Variants in TEDC1 observed in about 807,000 individuals in gnomAD.
TEDC1 encodes tubulin epsilon and delta complex protein 1.
TEDC1 carries 54 observed loss-of-function variants against 59.9 expected under a neutral mutation model. The observed-to-expected ratio is 0.90, with a 90% confidence interval of 0.72 to 1.13. The LOEUF is 1.13. Ranked by LOEUF, TEDC1 falls within the 50% of genes most tolerant of loss-of-function variation. TEDC1 has a pLI of 0.00. For synonymous variants in TEDC1, 353 were observed against 298.1 expected, an observed-to-expected ratio of 1.18 and a Z score of -1.90; for missense variants, 734 against 683.4, an observed-to-expected ratio of 1.07 and a Z score of -0.83.
Position 105,495,766 on chromosome 14 carries a change from G to A in TEDC1, c.685-114G>A, listed in dbSNP as rs903736956. 49 of 900,418 alleles carry A rather than the reference G, an allele frequency of 5.4e-5. No homozygotes were observed. The African/African-American group carries it at 7.6e-4, about 14-fold the overall frequency. 55.8% of individuals were successfully genotyped at this position (900,418 alleles called of 1,614,324 possible). ...GCTGCTCCTGCCCAGTGCCTCTGTG[G>A]GACCACCCTCTGTGGTGGGCTGGGG... On this transcript the variant is annotated intron_variant, in intron 5 of 8. Transcript: ENST00000392523.
At position 105,498,987 on chromosome 14, in the gene TEDC1, C is replaced by T. The variant is rs2084411644; in HGVS notation, c.*41C>T. ...CCCTCGTGTGGGAAGCCTGCCCTGGCCCAGCCTGGCTGGGTCTTGGAGGAG... is the reference window on the plus strand; with the variant it reads ...CCCTCGTGTGGGAAGCCTGCCCTGGTCCAGCCTGGCTGGGTCTTGGAGGAG... On this transcript the variant is annotated 3_prime_UTR_variant, in exon 9 of 9. Coordinates refer to ENST00000392523, the MANE Select transcript of TEDC1 (RefSeq NM_001367178.1). 1.3e-6 allele frequency: 2 copies of T among 1,546,066 alleles called. No individual in the cohort carries two copies. Among genetic ancestry groups the T allele is most frequent in the East Asian group, 2.3e-5 (1 of 43,062 alleles).
At chr14:105,490,168 G>T (rs1273486974), upstream of TEDC1, 30 of 151,332 alleles carry the variant, frequency 2.0e-4, no homozygotes, top group African/African-American at 6.9e-4. Context: ...GCTGGGGGGG[G>T]GGCCCCGAGG....
In TEDC1 at chr14:105,499,020, C is replaced by T; in HGVS notation, c.*74C>T. ...GGCTGGGTCTTGGAGGAGCAGATTC[C>T]AAGGCCAGGTGGCCGCAGGGACGAT... is the stretch of plus-strand genomic sequence containing the variant. On this transcript the variant is annotated 3_prime_UTR_variant, in exon 9 of 9. Transcript: ENST00000392523. The T allele has an allele frequency of 6.9e-7, 1 of 1,454,504 alleles. No individual in the cohort carries two copies. The highest frequency in any genetic ancestry group is 2.4e-5 in the East Asian group (1 of 41,138). 90.1% of individuals were successfully genotyped at this position (1,454,504 alleles called of 1,614,324 possible).
intron 3 of TEDC1, 117 bp downstream of exon 3, chr14:105,492,426 A>G (rs2084237022): frequency 1.3e-6 from 2 of 1,500,760 alleles, no homozygotes; most frequent in East Asian, 2.3e-5. Context: ...AGTCCCATGA[A>G]GGGTTACCCA....
Position 105,499,089 on chromosome 14 carries a change from C to T in TEDC1, c.*143C>T. 3.3e-6 allele frequency: 3 copies of T among 920,336 alleles called. No individual in the cohort carries two copies. The South Asian group carries it at 5.2e-5, about 16-fold the overall frequency. The allele number at this position is 920,336 out of a possible 1,614,324, so 57.0% of individuals were successfully genotyped here. On this transcript the variant is annotated 3_prime_UTR_variant, in exon 9 of 9. Coordinates refer to ENST00000392523, the MANE Select transcript of TEDC1 (RefSeq NM_001367178.1). Reference sequence around the variant, plus strand: ...TCACATGCTCGCTCCAGGGGTGGGGCTGGGCTGACTCTGGCCGGATCCCAG... The same window carrying T: ...TCACATGCTCGCTCCAGGGGTGGGGTTGGGCTGACTCTGGCCGGATCCCAG...
chr14:105,496,065 C>A lies in TEDC1; in HGVS notation c.870C>A (p.Ser290Arg). The A allele has an allele frequency of 6.6e-7, 1 of 1,506,404 alleles. No homozygotes were observed. The highest frequency in any genetic ancestry group is 8.9e-7 in the Non-Finnish European group (1 of 1,119,446). 93.3% of individuals were successfully genotyped at this position (1,506,404 alleles called of 1,614,324 possible). A position where few individuals can be genotyped will look rare whatever the true frequency, so the allele number is the denominator to read the frequency against. ...ATCCTGGTGGGGCCTCAGCCTGCAGCCTGCTCTCCCCTTTTAGGGCGGTAA... is the reference window on the plus strand; with the variant it reads ...ATCCTGGTGGGGCCTCAGCCTGCAGACTGCTCTCCCCTTTTAGGGCGGTAA... ...PLDPGGASAC[S>R]LLSPFRALLR... The change falls in exon 6 of 9, where the codon AGC becomes AGA. Residue 290 changes from serine (S) to arginine (R), a missense_variant. Transcript: ENST00000392523.
Position 105,498,819 on chromosome 14 carries a change from C to T in TEDC1, c.1361C>T (p.Thr454Met), listed in dbSNP as rs139837113. The T allele has an allele frequency of 1.0e-4, 161 of 1,601,918 alleles. No homozygotes were observed. The highest frequency in any genetic ancestry group is 4.1e-4 in the East Asian group (18 of 44,374). Residue 454 changes from threonine (T) to methionine (M), a missense_variant, in exon 9 of 9, where the codon ACG becomes ATG. By Grantham distance (81) the Thr-to-Met change is moderately conservative. Transcript: ENST00000392523. Reference sequence around the variant, plus strand: ...CTGCGGGCAGCTGTGGTGATCAGGACGCTGAGGAGCCAGGAGGCCTGCCTG... The same window carrying T: ...CTGCGGGCAGCTGTGGTGATCAGGATGCTGAGGAGCCAGGAGGCCTGCCTG... ...RDLRAAVVIR[T>M]LRSQEACLEA...
rs782587840 is a variant in TEDC1 at position 105,497,414 on chromosome 14, C to T, written c.949C>T (p.Arg317Cys). The part of the protein sequence containing the change: ...QRLEAVLAWR[R>C]SELVFWRWMD... ...CCTGGAGGCTGTCCTGGCGTGGCGG[C>T]GCTCTGAGCTGGTCTTCTGGCGGTG... Residue 317 changes from arginine to cysteine, a missense_variant, in exon 7 of 9, where the codon CGC (arginine) becomes TGC (cysteine). Arg to Cys is a radical substitution (Grantham distance 180). Transcript: ENST00000392523. The T allele has an allele frequency of 2.2e-5, 34 of 1,550,820 alleles. No individual in the cohort carries two copies. The highest frequency in any genetic ancestry group is 4.1e-5 in the African/African-American group (3 of 73,396).
intron 7 of TEDC1, 132 bp from the exon 8 acceptor site, chr14:105,497,666 C>G (rs1182498081): frequency 7.9e-6 from 10 of 1,264,398 alleles, no homozygotes; most frequent in Admixed American, 5.6e-5. Flanking sequence ...TTGTGCCTCC[C>G]TGGACGTCAC....
chr14:105,492,986 C>G (rs1555439815), intron 4 of TEDC1, among the ~76,000 whole-genome samples: 1 of 152,082 alleles, frequency 6.6e-6, no homozygotes, highest in Non-Finnish European at 1.5e-5. Context: ...ACAGAATTTG[C>G]CTTTCTGTTC....
In TEDC1 at chr14:105,498,730, G is replaced by T. The variant is rs781907842; in HGVS notation, c.1272G>T (p.Pro424=). The T allele has an allele frequency of 6.4e-7, 1 of 1,556,060 alleles. No homozygotes were observed. Among genetic ancestry groups the T allele is most frequent in the Non-Finnish European group, 8.7e-7 (1 of 1,150,346 alleles). ...AGTGCTGGGAGCGAGACGGTGGCCC[G>T]GCCCAGCCCCATGGGCCACACCGGC... The part of the protein sequence containing the change: ...LQQCWERDGG[P]AQPHGPHRLV... Residue 424 remains proline (P), a synonymous_variant, in exon 9 of 9, where the codon CCG becomes CCT. Transcript: ENST00000392523.
Position 105,491,605 on chromosome 14 carries a change from CTTT to C in TEDC1, c.148-14_148-12del, listed in dbSNP as rs1567071919. On this transcript the variant is annotated splice_polypyrimidine_tract_variant and intron_variant, in intron 1 of 8. Transcript: ENST00000392523. ...TTGGGCCGGCTCCGCTGACCGCCCG[CTTT>C]TTATTTTCCGCAGACCTCCGCGCTC... The C allele has an allele frequency of 6.5e-7, 1 of 1,549,432 alleles. No homozygotes were observed. The highest frequency in any genetic ancestry group is 1.2e-5 in the South Asian group (1 of 84,042).
chr14:105,494,115 C>T (rs1349700897), intron 5 of TEDC1, 182 bp downstream of exon 5: 4 of 612,730 alleles, frequency 6.5e-6, no homozygotes, highest in South Asian at 1.9e-5. Context: ...CTGGGCCTCT[C>T]CTAGCCTCAT....
At chr14:105,498,009 C>T in intron 8 of TEDC1, 32 bp downstream of exon 8, 3 of 1,479,490 alleles carry the variant, frequency 2.0e-6, no homozygotes, top group Non-Finnish European at 2.7e-6. Context: ...GGCACCAGCC[C>T]AGCCCCACCT....
chr14:105,498,005 A>G lies in TEDC1; in HGVS notation c.1158+28A>G, dbSNP rs75762908. ...GAGTGCCAGCCTCGCTCTGGGCACC[A>G]GCCCAGCCCCACCTTCGGGGGATGG... On this transcript the variant is annotated intron_variant, in intron 8 of 8. Coordinates refer to ENST00000392523, the MANE Select transcript of TEDC1 (RefSeq NM_001367178.1). The G allele has an allele frequency of 6.9e-3, 10,221 of 1,483,994 alleles. 592 individuals are homozygous for G. In the African/African-American group the frequency reaches 0.12, roughly 18 times the overall value. 91.9% of individuals were successfully genotyped at this position (1,483,994 alleles called of 1,614,324 possible). A position where few individuals can be genotyped will look rare whatever the true frequency, so the allele number is the denominator to read the frequency against.
chr14:105,492,076 G>A (rs1172530423), intron 2 of TEDC1, 31 bp from the exon 3 acceptor site: 1 of 1,559,096 alleles, frequency 6.4e-7, no homozygotes, highest in African/African-American at 1.4e-5. Flanking sequence ...CAGGTGGGTG[G>A]TCCCCCTAAG....
At position 105,496,863 on chromosome 14, in the gene TEDC1, C is replaced by G. The variant is rs782339463; in HGVS notation, c.892-494C>G. 19 of 203,790 alleles carry G rather than the reference C, an allele frequency of 9.3e-5. No homozygotes were observed. The South Asian group carries it at 1.3e-3, about 13-fold the overall frequency. 12.6% of individuals were successfully genotyped at this position (203,790 alleles called of 1,614,324 possible). A position where few individuals can be genotyped will look rare whatever the true frequency, so the allele number is the denominator to read the frequency against. On this transcript the variant is annotated intron_variant, in intron 6 of 8. Transcript: ENST00000392523. Reference sequence around the variant, plus strand: ...GACTCCTCACTGCCTTAGGGGGTCCCTGAAGTTACAGGGGATGGGTTTTCC... The same window carrying G: ...GACTCCTCACTGCCTTAGGGGGTCCGTGAAGTTACAGGGGATGGGTTTTCC...
At chr14:105,498,056 C>A in intron 8 of TEDC1, 79 bp downstream of exon 8, 2 of 1,397,782 alleles carry the variant, frequency 1.4e-6, no homozygotes, top group Non-Finnish European at 1.9e-6. Flanking sequence ...TTTGGACTTG[C>A]TGAATCCTAC....
chr14:105,494,872 ATTTT>A (rs1342602416), intron 5 of TEDC1: 1 of 43,676 alleles, frequency 2.3e-5, no homozygotes. Context: ...CTTTTAATTT[ATTTT>A]ATTTATTTAT....
Sources: allele counts gnomAD v4.1 joint callset (sites outside exome capture counted in the v4.1 genomes callset), GRCh38; gene constraint gnomAD v4.1.1; transcripts MANE v1.5; gene names NCBI Gene and HGNC (gene_info 2026-07-23, HGNC 2026-07-21).